The following LPP variants were observed in gnomAD, a reference collection of about 807,000 sequenced individuals.
LPP encodes LIM domain containing preferred translocation partner in lipoma.
LPP carries 38 observed loss-of-function variants against 60.4 expected under a neutral mutation model. The observed-to-expected ratio is 0.63, with a 90% confidence interval of 0.49 to 0.83. The LOEUF (loss-of-function observed/expected upper bound fraction) is 0.83. LPP is among the 40% of genes least tolerant of loss of function. The pLI, the probability that LPP is intolerant of heterozygous loss-of-function variation, is 0.00. For missense variants in LPP, 902 were observed against 783.6 expected (o/e 1.15, Z -1.80); for synonymous variants, 328 against 290.8 (o/e 1.13, Z -1.30).
intron 2 of LPP, among the ~76,000 whole-genome samples, chr3:188,265,689 G>A (rs79276735): frequency 0.02 from 3,106 of 152,292 alleles, 50 homozygotes; most frequent in Non-Finnish European, 0.033. Context: ...AGAGGGAATA[G>A]CAGAGACATG....
chr3:188,192,971 C>T (rs950570883), intron 1 of LPP, among the ~76,000 whole-genome samples: 1 of 152,180 alleles, frequency 6.6e-6, no homozygotes, highest in Non-Finnish European at 1.5e-5. Flanking sequence ...CCTTGCTGCC[C>T]CTGAGACTTT....
intron 9 of LPP, among the ~76,000 whole-genome samples, chr3:188,764,269 A>G: frequency 6.6e-6 from 1 of 152,222 alleles, no homozygotes; most frequent in East Asian, 1.9e-4. Flanking sequence ...GCTTCTGAGT[A>G]TCAGTGTCCT....
At chr3:188,751,348 G>A (rs2150321899) in intron 8 of LPP, among the ~76,000 whole-genome samples, 1 of 152,312 alleles carries the variant, frequency 6.6e-6, no homozygotes, top group East Asian at 1.9e-4. Flanking sequence ...TGTTGCAATA[G>A]CGGTTCTAAC....
intron 2 of LPP, among the ~76,000 whole-genome samples, chr3:188,256,815 G>T (rs761759908): frequency 1.3e-5 from 2 of 152,216 alleles, no homozygotes; most frequent in South Asian, 2.1e-4. Flanking sequence ...AGTGGGTAAT[G>T]GGTGCATATC....
At chr3:188,336,478 A>T (rs1022413045) in intron 2 of LPP, among the ~76,000 whole-genome samples, 3 of 152,200 alleles carry the variant, frequency 2.0e-5, no homozygotes, top group Non-Finnish European at 4.4e-5. Flanking sequence ...AACATGAGCC[A>T]GTAGGGTTCA....
chr3:188,370,275 G>A (rs1445721013), intron 3 of LPP, among the ~76,000 whole-genome samples: 1 of 152,158 alleles, frequency 6.6e-6, no homozygotes, highest in Non-Finnish European at 1.5e-5. Context: ...ACAGTCATTA[G>A]TTTCATTCTA....
At chr3:188,456,553 G>A (rs960650550) in intron 4 of LPP, among the ~76,000 whole-genome samples, 7 of 152,228 alleles carry the variant, frequency 4.6e-5, no homozygotes, top group African/African-American at 1.7e-4. Flanking sequence ...AATTCTGAAT[G>A]GGGTTTGGGG....
intron 7 of LPP, among the ~76,000 whole-genome samples, chr3:188,681,981 G>A (rs1859636878): frequency 6.6e-6 from 1 of 152,190 alleles, no homozygotes; most frequent in Non-Finnish European, 1.5e-5. Context: ...TTTCAAGGAG[G>A]AAGAACCTAA....
At chr3:188,765,707 AT>A (rs11373900) in intron 9 of LPP, among the ~76,000 whole-genome samples, 20 of 149,822 alleles carry the variant, frequency 1.3e-4, no homozygotes, top group South Asian at 2.1e-4. Flanking sequence ...TCAGCAACTA[AT>A]TTTTTTTTTC....
intron 2 of LPP, among the ~76,000 whole-genome samples, chr3:188,289,714 T>C (rs1560205415): frequency 6.6e-6 from 1 of 152,140 alleles, no homozygotes; most frequent in African/African-American, 2.4e-5. Context: ...CTAATGATGA[T>C]TAGAGAACCT....
At chr3:188,669,007 G>A (rs562212001) in intron 7 of LPP, among the ~76,000 whole-genome samples, 1 of 152,164 alleles carries the variant, frequency 6.6e-6, no homozygotes, top group Non-Finnish European at 1.5e-5. Context: ...GATCTTAGGA[G>A]ACCTGTCAAA....
At chr3:188,664,734 T>C (rs1855397894) in intron 7 of LPP, among the ~76,000 whole-genome samples, 1 of 152,214 alleles carries the variant, frequency 6.6e-6, no homozygotes, top group East Asian at 1.9e-4. Context: ...CCATATCTTC[T>C]GTATTATATT....
At chr3:188,556,504 A>G (rs1294812135) in intron 6 of LPP, among the ~76,000 whole-genome samples, 4 of 152,114 alleles carry the variant, frequency 2.6e-5, no homozygotes, top group Non-Finnish European at 5.9e-5. Flanking sequence ...ACTAACATCT[A>G]TAAAATTACA....
chr3:188,203,422 TATAAA>T (rs1560106911), intron 1 of LPP, among the ~76,000 whole-genome samples: 4 of 97,012 alleles, frequency 4.1e-5, no homozygotes, highest in East Asian at 2.8e-4. Flanking sequence ...ATATATATAA[TATAAA>T]TATAAATATA....
chr3:188,460,249 G>A (rs1798689813), intron 4 of LPP, among the ~76,000 whole-genome samples: 3 of 152,150 alleles, frequency 2.0e-5, no homozygotes, highest in Admixed American at 1.3e-4. Context: ...CAGATATCAA[G>A]ACTATTGCAG....
rs183639749 is a variant in LPP at position 188,428,403 on chromosome 3, C to A, written c.193+22090C>A. 5.3e-5 allele frequency among the ~76,000 whole-genome samples: 8 copies of A among 152,152 alleles called. No individual in the cohort carries two copies. The East Asian group carries it at 9.7e-4, about 18-fold the overall frequency. ...CCCATATTTTTCTTTTACTTTGGGA[C>A]TTGGAATCTACAAATGTTCCGGAAT... On this transcript the variant is annotated intron_variant, in intron 4 of 11. Coordinates refer to ENST00000617246, the MANE Select transcript of LPP (RefSeq NM_001375462.1).
At chr3:188,837,245 G>A (rs1758679563) in intron 9 of LPP, among the ~76,000 whole-genome samples, 1 of 151,840 alleles carries the variant, frequency 6.6e-6, no homozygotes, top group Non-Finnish European at 1.5e-5. Flanking sequence ...CAGGTGTGGT[G>A]GCTGGCGCCT....
At chr3:188,253,166 A>G (rs1434653336) in intron 2 of LPP, among the ~76,000 whole-genome samples, 2 of 151,702 alleles carry the variant, frequency 1.3e-5, no homozygotes, top group East Asian at 3.9e-4. Flanking sequence ...TCATCTATGA[A>G]GTATATTACA....
At position 188,507,863 on chromosome 3, in the gene LPP, G is replaced by GT. The variant is rs1265726079; in HGVS notation, c.307-16799dup. On this transcript the variant is annotated intron_variant, in intron 5 of 11. Coordinates refer to ENST00000617246, the MANE Select transcript of LPP (RefSeq NM_001375462.1). ...GCTTCAGTTTCTGTCCTTGGTAAAAGTTTCCCTGACTGCTTTATAGCTACT... is the reference window on the plus strand; with the variant it reads ...GCTTCAGTTTCTGTCCTTGGTAAAAGTTTTCCCTGACTGCTTTATAGCTACT... Among the ~76,000 whole-genome samples the GT allele has an allele frequency of 3.3e-5, 5 of 152,236 alleles. No individual in the cohort carries two copies. The East Asian group carries it at 9.6e-4, about 29-fold the overall frequency.
Sources: gnomAD v4.1 joint callset for allele counts (sites outside exome capture counted in the v4.1 genomes callset) on GRCh38, gnomAD v4.1.1 for gene constraint, MANE v1.5 for transcripts, NCBI Gene and HGNC (gene_info 2026-07-23, HGNC 2026-07-21) for gene names.